Variants in TNRC6B observed in about 807,000 individuals in gnomAD.
TNRC6B encodes the protein trinucleotide repeat-containing gene 6B protein.
TNRC6B carries 52 observed loss-of-function variants against 203.6 expected under a neutral mutation model. That is an observed-to-expected ratio of 0.26 (90% confidence interval 0.20 to 0.32). The LOEUF is 0.32. Ranked by LOEUF, TNRC6B falls within the 10% of genes least tolerant of loss-of-function variation. The pLI is 1.00. For synonymous variants in TNRC6B, 838 were observed against 845.7 expected (o/e 0.99, Z 0.16); for missense variants, 1,923 against 2,286.2 (o/e 0.84, Z 3.24).
At chr22:40,259,435 G>A (rs2070340501) in intron 3 of TNRC6B, among the ~76,000 whole-genome samples, 1 of 152,188 alleles carries the variant, frequency 6.6e-6, no homozygotes, top group African/African-American at 2.4e-5. Flanking sequence ...TGTCGGCCAG[G>A]ATGGTCTCGA....
chr22:40,227,329 G>A (rs952400460), intron 1 of TNRC6B, among the ~76,000 whole-genome samples: 2 of 145,934 alleles, frequency 1.4e-5, no homozygotes, highest in South Asian at 2.2e-4. Flanking sequence ...GGTTATAGGC[G>A]TGAGCTACCA....
intron 4 of TNRC6B, among the ~76,000 whole-genome samples, chr22:40,171,204 C>G (rs2068994234): frequency 6.8e-6 from 1 of 146,806 alleles, no homozygotes; most frequent in Non-Finnish European, 1.5e-5. Context: ...CTCTGTCACC[C>G]AGGCTGGAGT....
intron 12 of TNRC6B, among the ~76,000 whole-genome samples, chr22:40,297,053 G>T (rs758886910): frequency 1.3e-5 from 2 of 152,190 alleles, no homozygotes; most frequent in Admixed American, 6.5e-5. Flanking sequence ...TTTTGAGTAC[G>T]TATGGCAGTA....
chr22:40,317,461 C>T (rs1010904899), intron 21 of TNRC6B, among the ~76,000 whole-genome samples: 1 of 152,120 alleles, frequency 6.6e-6, no homozygotes, highest in African/African-American at 2.4e-5. Flanking sequence ...GCCTGTAGTC[C>T]CAGCTACTCG....
intron 19 of TNRC6B, 70 bp downstream of exon 19, chr22:40,313,067 C>A: frequency 8.2e-7 from 1 of 1,222,846 alleles, no homozygotes. Context: ...ATAAAGGAAA[C>A]TGGCATGTAT....
chr22:40,143,297 G>A (rs1176643146), intron 3 of TNRC6B, among the ~76,000 whole-genome samples: 1 of 152,056 alleles, frequency 6.6e-6, no homozygotes, highest in Non-Finnish European at 1.5e-5. Flanking sequence ...GTTGGGTGTG[G>A]TGATGCACTC....
intron 1 of TNRC6B, among the ~76,000 whole-genome samples, chr22:40,231,053 CTATATA>C (rs527765934): frequency 6.8e-6 from 1 of 147,984 alleles, no homozygotes; most frequent in African/African-American, 2.4e-5. Flanking sequence ...CTCTCTCTCT[CTATATA>C]TATATATATC....
At chr22:40,310,263 G>A (rs898795493) in intron 16 of TNRC6B, among the ~76,000 whole-genome samples, 11 of 152,158 alleles carry the variant, frequency 7.2e-5, no homozygotes, top group African/African-American at 2.4e-4. Context: ...GACCCTAGGC[G>A]GGAATTCCAT....
chr22:40,222,542 G>A (rs1192076840), intron 1 of TNRC6B, among the ~76,000 whole-genome samples: 1 of 152,048 alleles, frequency 6.6e-6, no homozygotes, highest in Non-Finnish European at 1.5e-5. Context: ...TTCCAGTCTT[G>A]ACCACTCGTT....
chr22:40,161,753 T>A (rs1273861859), intron 4 of TNRC6B, among the ~76,000 whole-genome samples: 2 of 152,256 alleles, frequency 1.3e-5, no homozygotes, highest in Non-Finnish European at 2.9e-5. Flanking sequence ...CCATGGGGTT[T>A]ATTTACTATT....
chr22:40,246,965 G>A (rs560714903), intron 2 of TNRC6B, among the ~76,000 whole-genome samples: 10 of 152,270 alleles, frequency 6.6e-5, no homozygotes, highest in African/African-American at 2.2e-4. Context: ...AAGGGCCAAC[G>A]GCTGTCACCT....
chr22:40,331,310 AATC>A lies in TNRC6B; in HGVS notation c.*8072_*8074del, dbSNP rs1219850967. 1 of 171,274 alleles carries A rather than the reference AATC, an allele frequency of 5.8e-6. No homozygotes were observed. Among genetic ancestry groups the A allele is most frequent in the African/African-American group, 2.4e-5 (1 of 42,404 alleles). 10.6% of individuals were successfully genotyped at this position (171,274 alleles called of 1,614,324 possible). ...TGAGAAAGAAAAGAGAAAAATCTGAAATCATATTTTATTTCTTCAGAGCTATTA... is the reference window on the plus strand; with the variant it reads ...TGAGAAAGAAAAGAGAAAAATCTGAAATATTTTATTTCTTCAGAGCTATTA... On this transcript the variant is annotated 3_prime_UTR_variant, in exon 23 of 23. Transcript: ENST00000454349.
chr22:40,132,961 A>AT (rs1170193498), intron 3 of TNRC6B, among the ~76,000 whole-genome samples: 15 of 95,626 alleles, frequency 1.6e-4, no homozygotes, highest in African/African-American at 5.2e-4. Flanking sequence ...AAAAAAAAAA[A>AT]AAAAAAAAAT....
chr22:40,280,186 G>A (rs755518811), intron 10 of TNRC6B, 43 bp downstream of exon 10: 9 of 1,575,544 alleles, frequency 5.7e-6, no homozygotes, highest in South Asian at 4.5e-5. Context: ...CATGAGAACC[G>A]CTTTGGTTCC....
At chr22:40,130,909 TC>T (rs1414479026) in intron 3 of TNRC6B, among the ~76,000 whole-genome samples, 1 of 150,108 alleles carries the variant, frequency 6.7e-6, no homozygotes, top group Non-Finnish European at 1.5e-5. Flanking sequence ...GGTATAGAAG[TC>T]TTTTTTTTTG....
intron 11 of TNRC6B, among the ~76,000 whole-genome samples, chr22:40,281,789 A>T (rs1369836723): frequency 2.0e-5 from 3 of 152,354 alleles, no homozygotes; most frequent in African/African-American, 7.2e-5. Flanking sequence ...GGGTAACTTT[A>T]AATAGTAAAC....
At chr22:40,170,569 A>ATATATAGTTTATATATATAT (rs1569006185) in intron 4 of TNRC6B, among the ~76,000 whole-genome samples, 5 of 65,062 alleles carry the variant, frequency 7.7e-5, no homozygotes, top group South Asian at 4.8e-4. Flanking sequence ...TATATATATT[A>ATATATAGTTTATATATATAT]TATATATAGT....
intron 1 of TNRC6B, among the ~76,000 whole-genome samples, chr22:40,242,908 C>T (rs1035277997): frequency 1.8e-4 from 27 of 150,348 alleles, no homozygotes; most frequent in African/African-American, 6.4e-4. Context: ...CTCGCTCTGT[C>T]ACCCAGGCTG....
chr22:40,088,089 A>T (rs187147574), intron 1 of TNRC6B, among the ~76,000 whole-genome samples: 51 of 152,284 alleles, frequency 3.3e-4, no homozygotes, highest in African/African-American at 1.2e-3. Flanking sequence ...ATTTTTGGCT[A>T]ATCTTCAGAA....
Sources: allele counts gnomAD v4.1 joint callset (sites outside exome capture counted in the v4.1 genomes callset), GRCh38; gene constraint gnomAD v4.1.1; transcripts MANE v1.5; gene names NCBI Gene and HGNC (gene_info 2026-07-23, HGNC 2026-07-21).